The following ISX variants were observed in gnomAD, a reference collection of about 807,000 sequenced individuals.
ISX encodes the protein intestine specific homeobox.
Under a neutral mutation model 16.9 loss-of-function variants are expected in ISX, and 15 were observed. That is an observed-to-expected ratio of 0.89 (90% CI 0.59 to 1.36). ISX has a LOEUF of 1.36. ISX is among the 40% of genes most tolerant of loss of function. ISX has a pLI of 0.00. For synonymous variants in ISX, 125 were observed against 119.7 expected (o/e 1.04, Z -0.29); for missense variants, 316 against 306.1 (o/e 1.03, Z -0.24).
chr22:35,082,598 A>C lies in ISX; in HGVS notation c.310A>C (p.Thr104Pro). Residue 104 changes from threonine to proline, a missense_variant, in exon 3 of 5, where the codon ACC (threonine) becomes CCC (proline). Thr to Pro is a conservative substitution (Grantham distance 38). Coordinates refer to ENST00000404699, the MANE Select transcript of ISX (RefSeq NM_001303508.2). ...LHELEKIFHF[T>P]HYPDVHIRSQ... ...TGAGCTGGAGAAGATCTTCCACTTT[A>C]CCCACTACCCAGACGTTCACATCCG... The C allele has an allele frequency of 6.2e-7, 1 of 1,614,070 alleles. No homozygotes were observed. The highest frequency in any genetic ancestry group is 8.5e-7 in the Non-Finnish European group (1 of 1,179,998).
intron 2 of ISX, among the ~76,000 whole-genome samples, chr22:35,075,277 T>C (rs988568748): frequency 6.6e-6 from 1 of 152,082 alleles, no homozygotes; most frequent in Admixed American, 6.5e-5. Context: ...AACAACAAAA[T>C]TGAGTGGCTG....
chr22:35,080,163 C>T (rs1929091082), intron 2 of ISX, among the ~76,000 whole-genome samples: 2 of 152,174 alleles, frequency 1.3e-5, no homozygotes, highest in Admixed American at 6.5e-5. Flanking sequence ...TACTGCTGAA[C>T]CTCTACATGG....
rs200644238 is a variant in ISX, at chr22:35,082,621, C to A, written c.333C>A (p.Ile111=). 2.5e-6 allele frequency: 4 copies of A among 1,614,056 alleles called. No homozygotes were observed. In the African/African-American group the frequency reaches 5.3e-5, roughly 22 times the overall value. Residue 111 remains isoleucine, a synonymous_variant, in exon 3 of 5, where the codon ATC becomes ATA. Transcript: ENST00000404699. ...TTACCCACTACCCAGACGTTCACAT[C>A]CGCAGCCAGCTGGCAGCCAGGATCA... ...FHFTHYPDVH[I]RSQLAARINL... is the part of the protein sequence containing the mutation.
chr22:35,070,214 C>T (rs1428745652), intron 2 of ISX, among the ~76,000 whole-genome samples: 2 of 152,232 alleles, frequency 1.3e-5, no homozygotes, highest in Non-Finnish European at 2.9e-5. Flanking sequence ...CTGCAGGGAC[C>T]TTCATGATCT....
At chr22:35,082,902 C>T (rs932970278) in intron 3 of ISX, among the ~76,000 whole-genome samples, 1 of 152,194 alleles carries the variant, frequency 6.6e-6, no homozygotes, top group African/African-American at 2.4e-5. Context: ...TCAGTGATCA[C>T]CATGGATCTG....
At chr22:35,077,099 C>T (rs982390946) in intron 2 of ISX, among the ~76,000 whole-genome samples, 4 of 152,204 alleles carry the variant, frequency 2.6e-5, no homozygotes, top group African/African-American at 9.7e-5. Context: ...CATGCTGCCT[C>T]AGAAGTGTCC....
chr22:35,085,637 T>C lies in ISX; in HGVS notation c.682T>C (p.Cys228Arg), dbSNP rs763349400. ...PIHQTCIPVLCILPPPHPKWG... is the reference protein window; with the variant it reads ...PIHQTCIPVLRILPPPHPKWG... ...CCATCAAACTTGCATCCCTGTGCTATGCATCCTTCCACCTCCACACCCCAA... is the reference window on the plus strand; with the variant it reads ...CCATCAAACTTGCATCCCTGTGCTACGCATCCTTCCACCTCCACACCCCAA... The change falls in exon 5 of 5, where the codon TGC (cysteine) becomes CGC (arginine). Residue 228 changes from cysteine to arginine, a missense_variant. Cys to Arg is a radical substitution (Grantham distance 180, BLOSUM62 -3). Transcript: ENST00000404699. 4 of 1,614,130 alleles carry C rather than the reference T, an allele frequency of 2.5e-6. No individual in the cohort carries two copies. Among genetic ancestry groups the C allele is most frequent in the African/African-American group, 1.3e-5 (1 of 74,950 alleles).
rs929702268 is a variant in ISX at position 35,066,477 on chromosome 22, C to T, written c.-337+15C>T. On this transcript the variant is annotated intron_variant, in intron 1 of 4. Coordinates refer to ENST00000404699, the MANE Select transcript of ISX (RefSeq NM_001303508.2). ...ATGCGCTGAAGGTACGTTCTGGAGT[C>T]TGGAAGCAGCAGAACTGAAGGAAGT... is the stretch of plus-strand genomic sequence containing the variant. The T allele has an allele frequency of 6.5e-6, 1 of 154,422 alleles. No homozygotes were observed. Among genetic ancestry groups the T allele is most frequent in the Non-Finnish European group, 1.4e-5 (1 of 69,504 alleles). 9.6% of individuals were successfully genotyped at this position (154,422 alleles called of 1,614,324 possible).
chr22:35,069,476 A>G lies in ISX; in HGVS notation c.229+2160A>G, dbSNP rs1444937905. Among the ~76,000 whole-genome samples the G allele has an allele frequency of 2.6e-5, 4 of 152,204 alleles. 1 individual carries two copies. The highest frequency in any genetic ancestry group is 1.9e-4 in the East Asian group (1 of 5,192). Reference sequence around the variant, plus strand: ...TGTAACATGAAAGAGCAGGGCTAGAATATTCATAAGGTCTCTCCCAGCTCT... The same window carrying G: ...TGTAACATGAAAGAGCAGGGCTAGAGTATTCATAAGGTCTCTCCCAGCTCT... On this transcript the variant is annotated intron_variant, in intron 2 of 4. Transcript: ENST00000404699.
intron 2 of ISX, among the ~76,000 whole-genome samples, chr22:35,075,112 G>A (rs940906317): frequency 3.3e-5 from 5 of 152,136 alleles, no homozygotes; most frequent in African/African-American, 1.2e-4. Context: ...CACAGAAGAG[G>A]CAATAATGAA....
chr22:35,070,983 C>T (rs1010182361), intron 2 of ISX, among the ~76,000 whole-genome samples: 12 of 152,210 alleles, frequency 7.9e-5, no homozygotes, highest in Non-Finnish European at 1.8e-4. Flanking sequence ...TCCAATAAAA[C>T]TTTATATACA....
chr22:35,070,293 A>T (rs545396034), intron 2 of ISX, among the ~76,000 whole-genome samples: 1 of 152,198 alleles, frequency 6.6e-6, no homozygotes, highest in Non-Finnish European at 1.5e-5. Flanking sequence ...ATCTGAAAAG[A>T]TTCTACACCC....
chr22:35,082,244 G>C (rs1162258379), intron 2 of ISX, among the ~76,000 whole-genome samples: 4 of 152,266 alleles, frequency 2.6e-5, no homozygotes, highest in African/African-American at 9.6e-5. Context: ...GTAGACAAAA[G>C]GAAGTCATTG....
intron 3 of ISX, among the ~76,000 whole-genome samples, chr22:35,083,726 A>T (rs752736342): frequency 1.3e-5 from 2 of 152,202 alleles, no homozygotes; most frequent in Non-Finnish European, 2.9e-5. Flanking sequence ...CTCATGTCTA[A>T]GACTTCTCTC....
At chr22:35,075,782 G>A (rs1928965076) in intron 2 of ISX, among the ~76,000 whole-genome samples, 1 of 152,100 alleles carries the variant, frequency 6.6e-6, no homozygotes, top group Admixed American at 6.6e-5. Flanking sequence ...AGTCACCCCG[G>A]GGAGTGGCAC....
rs1929194901 is a variant in ISX, at chr22:35,084,391, C to T, written c.390C>T (p.Phe130=). The T allele has an allele frequency of 5.6e-6, 9 of 1,613,120 alleles. No individual in the cohort carries two copies. Among genetic ancestry groups the T allele is most frequent in the Admixed American group, 1.7e-5 (1 of 59,968 alleles). Residue 130 remains phenylalanine, a synonymous_variant, in exon 4 of 5, where the codon TTC becomes TTT. Coordinates refer to ENST00000404699, the MANE Select transcript of ISX (RefSeq NM_001303508.2). ...TTTCTCCCTGATTACAGATCTGGTT[C>T]CAGAATCAGCGAGCCAAGTGGCGGA... ...NLPEARVQIW[F]QNQRAKWRKQ... is the part of the protein sequence containing the mutation.
At position 35,086,370 on chromosome 22, in the gene ISX, TA is replaced by T. The variant is rs1358105835; in HGVS notation, c.*680del. 1 of 153,068 alleles carries T rather than the reference TA, an allele frequency of 6.5e-6. No individual in the cohort carries two copies. Among genetic ancestry groups the T allele is most frequent in the African/African-American group, 2.4e-5 (1 of 41,468 alleles). 9.5% of individuals were successfully genotyped at this position (153,068 alleles called of 1,614,324 possible). A position where few individuals can be genotyped will look rare whatever the true frequency, so the allele number is the denominator to read the frequency against. On this transcript the variant is annotated 3_prime_UTR_variant, in exon 5 of 5. Transcript: ENST00000404699. ...AAAATGTAGAAAGTTTTTTAAATTC[TA>T]AACAGGATTTAGTGTCTTTAGTTAT...
At chr22:35,076,149 C>T (rs1039914239) in intron 2 of ISX, among the ~76,000 whole-genome samples, 29 of 151,652 alleles carry the variant, frequency 1.9e-4, no homozygotes, top group Admixed American at 9.2e-4. Flanking sequence ...TCACAACAGA[C>T]CTCATAAAGA....
chr22:35,073,345 T>C (rs1298475897), intron 2 of ISX, among the ~76,000 whole-genome samples: 1 of 152,154 alleles, frequency 6.6e-6, no homozygotes, highest in African/African-American at 2.4e-5. Context: ...AGATGATTTT[T>C]CCATGGACGG....
Sources: gnomAD v4.1 joint callset for allele counts (sites outside exome capture counted in the v4.1 genomes callset) on GRCh38, gnomAD v4.1.1 for gene constraint, MANE v1.5 for transcripts, NCBI Gene and HGNC (gene_info 2026-07-23, HGNC 2026-07-21) for gene names.